The following MED27 variants were observed in gnomAD, a reference collection of about 807,000 sequenced individuals.
The protein encoded by MED27 is mediator complex subunit 27, also known as mediator of RNA polymerase II transcription subunit 27.
A neutral mutation model predicts 38.2 loss-of-function variants in MED27; 30 were observed. The ratio of observed to expected loss-of-function variants is 0.79; its 90% CI spans 0.59 to 1.07. MED27 has a LOEUF of 1.07. Among genes scored for constraint, MED27 ranks in the 50% least tolerant of loss-of-function variants. MED27 has a pLI of 0.00. For synonymous variants in MED27, 122 were observed against 153.5 expected, an observed-to-expected ratio of 0.79 and a Z score of 1.52; for missense variants, 289 against 397.5, an observed-to-expected ratio of 0.73 and a Z score of 2.32.
intron 3 of MED27, among the ~76,000 whole-genome samples, chr9:131,970,069 G>A (rs1045174951): frequency 2.0e-5 from 3 of 152,144 alleles, no homozygotes; most frequent in Non-Finnish European, 4.4e-5. Context: ...TCCATAACAG[G>A]GCCCTGCAGC....
At chr9:131,868,274 TTTTC>T (rs1229416203) in intron 6 of MED27, among the ~76,000 whole-genome samples, 1 of 152,206 alleles carries the variant, frequency 6.6e-6, no homozygotes, top group Non-Finnish European at 1.5e-5. Flanking sequence ...AGATAGGTGC[TTTTC>T]TTTTTCTTCT....
At chr9:132,050,550 T>A (rs2131135101) in intron 2 of MED27, among the ~76,000 whole-genome samples, 1 of 152,086 alleles carries the variant, frequency 6.6e-6, no homozygotes, top group East Asian at 1.9e-4. Flanking sequence ...AAAAGAAGAG[T>A]AGGAAATCAA....
At position 131,884,118 on chromosome 9, in the gene MED27, A is replaced by G. The variant is rs767861619; in HGVS notation, c.682-19T>C. On this transcript the variant is annotated intron_variant, in intron 5 of 7. Transcript: ENST00000292035. ...TATCAAGCTGAGGGGAAAGGAGAGA[A>G]GGATCATCAGCATCGGTCTTAGAAT... 1.9e-6 allele frequency: 3 copies of G among 1,596,060 alleles called. No individual in the cohort carries two copies. The Admixed American group carries it at 5.2e-5, about 28-fold the overall frequency.
intron 5 of MED27, among the ~76,000 whole-genome samples, chr9:131,893,168 G>T (rs1401906569): frequency 6.6e-6 from 1 of 152,128 alleles, no homozygotes; most frequent in Non-Finnish European, 1.5e-5. Context: ...GGAAGGAAAG[G>T]CTCCCGATGG....
chr9:131,943,663 G>A (rs1044761273), intron 3 of MED27, among the ~76,000 whole-genome samples: 5 of 152,206 alleles, frequency 3.3e-5, no homozygotes, highest in Non-Finnish European at 5.9e-5. Flanking sequence ...AGCAGACGCG[G>A]CGCGGAAAGA....
chr9:132,079,029 T>A (rs1021623581), intron 1 of MED27, among the ~76,000 whole-genome samples: 1 of 152,208 alleles, frequency 6.6e-6, no homozygotes, highest in East Asian at 1.9e-4. Flanking sequence ...TTAAACTGGT[T>A]AAGAGATTAG....
chr9:131,869,425 T>A, intron 6 of MED27: 1 of 980,120 alleles, frequency 1.0e-6, no homozygotes, highest in Non-Finnish European at 1.2e-6. Flanking sequence ...TTAACTAATT[T>A]AAATCCACTC....
chr9:132,009,626 C>A (rs1832437808), intron 3 of MED27, among the ~76,000 whole-genome samples: 1 of 152,202 alleles, frequency 6.6e-6, no homozygotes, highest in South Asian at 2.1e-4. Flanking sequence ...GCAAGTGGAG[C>A]TCCTAATCCC....
intron 5 of MED27, among the ~76,000 whole-genome samples, chr9:131,886,183 A>G (rs1839136980): frequency 6.6e-6 from 1 of 152,220 alleles, no homozygotes; most frequent in Non-Finnish European, 1.5e-5. Context: ...GGCTGTGAAC[A>G]GGCATATACA....
At chr9:131,936,345 T>C (rs1472352091) in intron 4 of MED27, among the ~76,000 whole-genome samples, 1 of 152,120 alleles carries the variant, frequency 6.6e-6, no homozygotes, top group African/African-American at 2.4e-5. Flanking sequence ...TGAGCACAGT[T>C]GGTGCTACCC....
intron 1 of MED27, 137 bp downstream of exon 1, chr9:132,079,505 G>A: frequency 3.8e-6 from 3 of 781,368 alleles, no homozygotes; most frequent in Non-Finnish European, 4.2e-6. Context: ...ACAGGCAGAG[G>A]CTTGGAGAAC....
At chr9:132,026,996 C>T (rs1433566446) in intron 2 of MED27, among the ~76,000 whole-genome samples, 1 of 152,192 alleles carries the variant, frequency 6.6e-6, no homozygotes, top group Non-Finnish European at 1.5e-5. Flanking sequence ...GCTCTGTAAC[C>T]ACTACACTCA....
intron 4 of MED27, among the ~76,000 whole-genome samples, chr9:131,927,000 C>T (rs527426820): frequency 2.0e-5 from 3 of 152,294 alleles, no homozygotes; most frequent in African/African-American, 7.2e-5. Flanking sequence ...GAGAAGCCAG[C>T]AGCTTGTTCC....
intron 2 of MED27, among the ~76,000 whole-genome samples, chr9:132,014,805 T>C (rs1461089413): frequency 1.3e-5 from 2 of 152,250 alleles, no homozygotes; most frequent in Admixed American, 6.5e-5. Flanking sequence ...AAAGGTTCCA[T>C]TGTAAACAGA....
At chr9:131,976,973 C>A (rs1187016397) in intron 3 of MED27, among the ~76,000 whole-genome samples, 1 of 152,182 alleles carries the variant, frequency 6.6e-6, no homozygotes, top group East Asian at 1.9e-4. Context: ...GCAGGAGCCC[C>A]ATTTAAACAG....
rs1340472998 is a variant in MED27 at position 131,883,404 on chromosome 9, CCCTG to C, written c.723+650_723+653del. ...GGCCTGAGTTAGTCCAGGGAAGGGG[CCCTG>C]CACTGTCAGGAGCTGGGGAAATGAA... On this transcript the variant is annotated intron_variant, in intron 6 of 7. Transcript: ENST00000292035. The surrounding 1 kb of genome is among the most constrained non-coding windows in gnomAD (Gnocchi z 4.2). 6.6e-6 allele frequency among the ~76,000 whole-genome samples: 1 copy of C among 152,154 alleles called. No homozygotes were observed. The highest frequency in any genetic ancestry group is 2.4e-5 in the African/African-American group (1 of 41,424).
At chr9:131,966,381 C>CAAAAAAAAAAAAAA (rs1346897529) in intron 3 of MED27, among the ~76,000 whole-genome samples, 2 of 3,396 alleles carry the variant, frequency 5.9e-4, no homozygotes, top group Non-Finnish European at 1.0e-3. Context: ...CAGACCCTGT[C>CAAAAAAAAAAAAAA]ACAAAAAAAA....
At chr9:131,983,561 C>A (rs542967966) in intron 3 of MED27, among the ~76,000 whole-genome samples, 74 of 152,310 alleles carry the variant, frequency 4.9e-4, no homozygotes, top group South Asian at 3.9e-3. Flanking sequence ...ACCTAGTCTT[C>A]CCATCCAATC....
intron 2 of MED27, among the ~76,000 whole-genome samples, chr9:132,042,046 T>C (rs1188530025): frequency 6.6e-6 from 1 of 152,190 alleles, no homozygotes; most frequent in Non-Finnish European, 1.5e-5. Flanking sequence ...ACAAAGTACG[T>C]GATCTAGAGA....
Sources: allele counts gnomAD v4.1 joint callset (sites outside exome capture counted in the v4.1 genomes callset), GRCh38; gene constraint gnomAD v4.1.1; non-coding constraint Gnocchi (gnomAD v3.1); transcripts MANE v1.5; gene names NCBI Gene and HGNC (gene_info 2026-07-23, HGNC 2026-07-21).